IL1RAPL1: variants seen among roughly 807,000 people sequenced by gnomAD.
IL1RAPL1 encodes interleukin-1 receptor accessory protein-like 1.
A neutral mutation model predicts 48.4 loss-of-function variants in IL1RAPL1; 3 were observed. The observed-to-expected ratio is 0.06, with a 90% confidence interval of 0.03 to 0.16. The LOEUF is 0.16. IL1RAPL1 is among the 10% of genes least tolerant of loss of function. The pLI is 1.00. For missense variants in IL1RAPL1, 349 were observed against 530.6 expected (o/e 0.66, Z 3.36); for synonymous variants, 185 against 187.7 (o/e 0.99, Z 0.12).
chrX:29,432,650 C>T (rs1216524104), intron 5 of IL1RAPL1, among the ~76,000 whole-genome samples: 1 of 111,578 alleles, frequency 9.0e-6, no homozygotes, highest in Non-Finnish European at 1.9e-5. Context: ...TATTTAGACT[C>T]CAAGTTTACT....
intron 1 of IL1RAPL1, among the ~76,000 whole-genome samples, chrX:28,625,059 A>G (rs897624500): frequency 3.1e-4 from 35 of 111,996 alleles, no homozygotes; most frequent in African/African-American, 1.0e-3. Flanking sequence ...AGTCTCTACA[A>G]GGTAACCTGT....
chrX:29,070,118 A>T (rs772233046), intron 2 of IL1RAPL1, among the ~76,000 whole-genome samples: 26 of 112,170 alleles, frequency 2.3e-4, no homozygotes, highest in Non-Finnish European at 4.1e-4. Flanking sequence ...GGAAATTTTT[A>T]AAAATGCTTA....
chrX:29,221,001 C>A, intron 2 of IL1RAPL1, among the ~76,000 whole-genome samples: 1 of 111,014 alleles, frequency 9.0e-6, no homozygotes, highest in Non-Finnish European at 1.9e-5. Context: ...CTCAATGCAA[C>A]CTCCACCTAC....
intron 1 of IL1RAPL1, among the ~76,000 whole-genome samples, chrX:28,775,761 T>C (rs951015870): frequency 8.9e-6 from 1 of 112,614 alleles, no homozygotes; most frequent in African/African-American, 3.2e-5. Context: ...TCCAACCACA[T>C]TGGCCTTATT....
intron 2 of IL1RAPL1, among the ~76,000 whole-genome samples, chrX:28,814,888 A>C (rs1936843252): frequency 9.1e-6 from 1 of 109,768 alleles, no homozygotes; most frequent in Admixed American, 9.8e-5. Context: ...TGAAATATAC[A>C]TTATTAGCTA....
At chrX:29,112,178 G>A (rs1036938912) in intron 2 of IL1RAPL1, among the ~76,000 whole-genome samples, 36 of 110,750 alleles carry the variant, frequency 3.3e-4, no homozygotes, top group African/African-American at 1.1e-3. Context: ...CGCCTGCCTC[G>A]GCCTCCCAAA....
chrX:29,773,757 A>ATGTG (rs760237537), intron 6 of IL1RAPL1, among the ~76,000 whole-genome samples: 5 of 110,334 alleles, frequency 4.5e-5, no homozygotes, highest in African/African-American at 1.6e-4. Flanking sequence ...GTGGGTGTGT[A>ATGTG]TGTGTGTGTG....
At chrX:29,218,293 T>C (rs890381911) in intron 2 of IL1RAPL1, among the ~76,000 whole-genome samples, 10 of 111,978 alleles carry the variant, frequency 8.9e-5, no homozygotes, top group Non-Finnish European at 1.9e-4. Flanking sequence ...TTGTTACCAT[T>C]TACAAATGAC....
At chrX:29,518,501 G>T (rs1935470948) in intron 5 of IL1RAPL1, among the ~76,000 whole-genome samples, 1 of 110,912 alleles carries the variant, frequency 9.0e-6, no homozygotes, top group African/African-American at 3.3e-5. Flanking sequence ...ATGATGATTA[G>T]GGTGTGCCTT....
intron 2 of IL1RAPL1, among the ~76,000 whole-genome samples, chrX:29,021,215 G>GA (rs746008500): frequency 0.02 from 831 of 41,703 alleles, 3 homozygotes; most frequent in Non-Finnish European, 0.026. Flanking sequence ...CCGTCTCAAG[G>GA]AAAAAAAAAA....
chrX:29,490,865 T>TATATACGTATATATATATA (rs778859346), intron 5 of IL1RAPL1, among the ~76,000 whole-genome samples: 1 of 107,607 alleles, frequency 9.3e-6, no homozygotes, highest in Admixed American at 9.9e-5. Flanking sequence ...TATATATATA[T>TATATACGTATATATATATA]TCTGAGTGTG....
rs777470994 is a variant in IL1RAPL1 at position 28,739,938 on chromosome X, T to C, written c.-24-49382T>C. Among the ~76,000 whole-genome samples the C allele has an allele frequency of 5.4e-5, 6 of 110,416 alleles. No individual in the cohort carries two copies. In the South Asian group the frequency reaches 1.1e-3, roughly 21 times the overall value. On this transcript the variant is annotated intron_variant, in intron 1 of 10. Coordinates refer to ENST00000378993, the MANE Select transcript of IL1RAPL1 (RefSeq NM_014271.4). ...TATATTTTAATTATTAATTTTCTTATATCCCCTAGACACTGAACTCCCAAG... is the reference window on the plus strand; with the variant it reads ...TATATTTTAATTATTAATTTTCTTACATCCCCTAGACACTGAACTCCCAAG...
chrX:28,646,625 A>G (rs907299729), intron 1 of IL1RAPL1, among the ~76,000 whole-genome samples: 18 of 112,439 alleles, frequency 1.6e-4, no homozygotes, highest in African/African-American at 5.5e-4. Flanking sequence ...CTGAATATAC[A>G]CGTGCTTGCT....
At position 29,277,111 on chromosome X, in the gene IL1RAPL1, T is replaced by C. The variant is rs756940172; in HGVS notation, c.83-5827T>C. 2.7e-5 allele frequency among the ~76,000 whole-genome samples: 3 copies of C among 112,365 alleles called. No homozygotes were observed. In the South Asian group the frequency reaches 1.1e-3, roughly 42 times the overall value. On this transcript the variant is annotated intron_variant, in intron 2 of 10. Coordinates refer to ENST00000378993, the MANE Select transcript of IL1RAPL1 (RefSeq NM_014271.4). ...TCTTCAAAGTCAAAGATGGACCATA[T>C]GTACCAAGATTTTACCTATCTGCAT... is the stretch of plus-strand genomic sequence containing the variant.
intron 2 of IL1RAPL1, among the ~76,000 whole-genome samples, chrX:29,125,506 G>T (rs1284531261): frequency 8.9e-6 from 1 of 111,999 alleles, no homozygotes; most frequent in Non-Finnish European, 1.9e-5. Flanking sequence ...GATGATAAGG[G>T]TGCATTTTAT....
chrX:29,391,185 A>G (rs1933849243), intron 3 of IL1RAPL1, among the ~76,000 whole-genome samples: 4 of 111,010 alleles, frequency 3.6e-5, no homozygotes, highest in Admixed American at 9.6e-5. Flanking sequence ...AAAAAAAAAA[A>G]AAAATCTCTG....
At chrX:28,810,436 G>A (rs967866771) in intron 2 of IL1RAPL1, among the ~76,000 whole-genome samples, 25 of 110,677 alleles carry the variant, frequency 2.3e-4, no homozygotes, top group African/African-American at 7.5e-4. Flanking sequence ...GAGCTGAGAA[G>A]TGAAATAAGA....
rs767441136 is a variant in IL1RAPL1 at position 28,974,479 on chromosome X, C to G, written c.82+185054C>G. ...TTTTGACAGAGTTATAAAAATTGAA[C>G]TCCGAGTTTTGGCTCAAGAAACCTC... On this transcript the variant is annotated intron_variant, in intron 2 of 10. Transcript: ENST00000378993. Among the ~76,000 whole-genome samples, 3 of 112,007 alleles carry G rather than the reference C, an allele frequency of 2.7e-5. No homozygotes were observed. In the South Asian group the frequency reaches 1.1e-3, roughly 41 times the overall value.
chrX:28,736,325 T>G (rs1189355773), intron 1 of IL1RAPL1, among the ~76,000 whole-genome samples: 3 of 109,498 alleles, frequency 2.7e-5, no homozygotes, highest in Non-Finnish European at 5.7e-5. Context: ...TCCCAGCTAC[T>G]TGGGAGGCTG....
Sources: gnomAD v4.1 joint callset for allele counts (sites outside exome capture counted in the v4.1 genomes callset) on GRCh38, gnomAD v4.1.1 for gene constraint, MANE v1.5 for transcripts, NCBI Gene and HGNC (gene_info 2026-07-23, HGNC 2026-07-21) for gene names.